Variants in TYW1 observed in about 807,000 individuals in gnomAD.
TYW1 encodes S-adenosyl-L-methionine-dependent tRNA 4-demethylwyosine synthase TYW1.
TYW1 carries 46 observed loss-of-function variants against 96.2 expected under a neutral mutation model. The observed-to-expected ratio is 0.48, with a 90% CI of 0.38 to 0.61. TYW1 has a LOEUF of 0.61. Ranked by LOEUF, TYW1 falls within the 20% of genes least tolerant of loss-of-function variation. The pLI is 0.00. For missense variants in TYW1, 684 were observed against 909.6 expected (o/e 0.75, Z 3.19); for synonymous variants, 274 against 323.0 (o/e 0.85, Z 1.63).
At chr7:67,037,990 C>T (rs1305691848) in intron 7 of TYW1, among the ~76,000 whole-genome samples, 2 of 152,070 alleles carry the variant, frequency 1.3e-5, no homozygotes, top group Admixed American at 6.6e-5. Context: ...CTTTTTGAGT[C>T]CTGATATGAC....
chr7:67,095,143 C>G (rs1256849741), intron 11 of TYW1, among the ~76,000 whole-genome samples: 3 of 151,970 alleles, frequency 2.0e-5, no homozygotes, highest in African/African-American at 7.2e-5. Flanking sequence ...GGCCTACAAG[C>G]ATGCACCACC....
chr7:67,097,206 G>T (rs1378339153), intron 11 of TYW1, among the ~76,000 whole-genome samples: 5 of 152,120 alleles, frequency 3.3e-5, no homozygotes, highest in African/African-American at 9.6e-5. Context: ...CTGAGCTGTG[G>T]CCTGGATTGT....
intron 11 of TYW1, among the ~76,000 whole-genome samples, chr7:67,090,808 T>C (rs900979325): frequency 6.6e-6 from 1 of 152,132 alleles, no homozygotes; most frequent in Non-Finnish European, 1.5e-5. Flanking sequence ...AGGAATCCTT[T>C]CCATTAGAAA....
At chr7:67,233,268 C>T (rs1291263570) in intron 15 of TYW1, among the ~76,000 whole-genome samples, 2 of 135,356 alleles carry the variant, frequency 1.5e-5, no homozygotes, top group East Asian at 2.0e-4. Flanking sequence ...ATAGTAAATG[C>T]ATGTGTTTAA....
chr7:67,038,167 G>GT (rs1794899226), intron 7 of TYW1, among the ~76,000 whole-genome samples: 1 of 152,128 alleles, frequency 6.6e-6, no homozygotes, highest in Non-Finnish European at 1.5e-5. Flanking sequence ...GCCTGGCGTG[G>GT]TGGCAGATGC....
Position 67,047,783 on chromosome 7 carries a change from ATTTTTTTT to A in TYW1, c.985-2147_985-2140del, listed in dbSNP as rs36007120. On this transcript the variant is annotated intron_variant, in intron 7 of 15. Coordinates refer to ENST00000359626, the MANE Select transcript of TYW1 (RefSeq NM_018264.4). ...TTTCACTTACTTTCTGTGAGTGTCAATTTTTTTTTTTTTTTTTTTTTTTTTTGAGGCAG... is the reference window on the plus strand; with the variant it reads ...TTTCACTTACTTTCTGTGAGTGTCAATTTTTTTTTTTTTTTTTTGAGGCAG... Among the ~76,000 whole-genome samples, 10 of 79,890 alleles carry A rather than the reference ATTTTTTTT, an allele frequency of 1.3e-4. No individual in the cohort carries two copies. In the South Asian group the frequency reaches 2.4e-3, roughly 20 times the overall value. 52.4% of individuals were successfully genotyped at this position (79,890 alleles called of 152,430 possible).
At chr7:67,108,902 A>G (rs998806650) in intron 12 of TYW1, among the ~76,000 whole-genome samples, 2 of 152,232 alleles carry the variant, frequency 1.3e-5, no homozygotes, top group Admixed American at 6.5e-5. Context: ...CCAAGAGATA[A>G]TTAGAATATT....
At chr7:67,057,172 G>A (rs1342389578) in intron 9 of TYW1, among the ~76,000 whole-genome samples, 2 of 151,708 alleles carry the variant, frequency 1.3e-5, no homozygotes, top group African/African-American at 4.8e-5. Context: ...GCACCACCAC[G>A]CCCAGCTAAT....
intron 3 of TYW1, among the ~76,000 whole-genome samples, chr7:67,008,004 C>G (rs1459495806): frequency 6.6e-6 from 1 of 152,160 alleles, no homozygotes; most frequent in Non-Finnish European, 1.5e-5. Flanking sequence ...CAAGACTGCC[C>G]CCACTTCAGA....
chr7:67,200,783 C>T (rs1246576527), intron 15 of TYW1, among the ~76,000 whole-genome samples: 1 of 152,136 alleles, frequency 6.6e-6, no homozygotes, highest in East Asian at 1.9e-4. Context: ...TTGGTCCCAT[C>T]AGGAGAGGCT....
chr7:67,007,833 C>A (rs1562962365), intron 3 of TYW1, among the ~76,000 whole-genome samples: 1 of 152,066 alleles, frequency 6.6e-6, no homozygotes, highest in South Asian at 2.1e-4. Flanking sequence ...TGGGGTTTCA[C>A]CATGTTGGTC....
intron 13 of TYW1, among the ~76,000 whole-genome samples, chr7:67,179,532 G>T (rs1459841865): frequency 7.4e-6 from 1 of 135,004 alleles, no homozygotes; most frequent in East Asian, 2.0e-4. Context: ...GTAAAGTGAA[G>T]ATAATAATCC....
In TYW1 at chr7:67,149,356, A is replaced by G. The variant is rs555737638; in HGVS notation, c.1698+31738A>G. On this transcript the variant is annotated intron_variant, in intron 13 of 15. Transcript: ENST00000359626. ...CTGGGAAATGAAGATAATAGAAACT[A>G]TATGGGTTCTATTTGATTTATGGCA... Among the ~76,000 whole-genome samples, 160 of 152,306 alleles carry G rather than the reference A, an allele frequency of 1.1e-3. 1 individual carries two copies. In the Middle Eastern group the frequency reaches 0.027, roughly 26 times the overall value.
At position 67,017,894 on chromosome 7, in the gene TYW1, G is replaced by A. The variant is rs771969449; in HGVS notation, c.612G>A (p.Ala204=). 8.1e-6 allele frequency: 13 copies of A among 1,613,908 alleles called. No homozygotes were observed. Among genetic ancestry groups the A allele is most frequent in the South Asian group, 4.4e-5 (4 of 91,084 alleles). Residue 204 remains alanine (A), a synonymous_variant, in exon 6 of 16, where the codon GCG becomes GCA. Transcript: ENST00000359626. ...ACAAGTGGCTCTGGATGCTTGGCGC[G>A]CATCGTGTGATGAGTCGAGGGGAGG... ...NVDKWLWMLG[A]HRVMSRGEGD...
chr7:67,015,870 G>A (rs1489330542), intron 5 of TYW1, among the ~76,000 whole-genome samples: 1 of 151,866 alleles, frequency 6.6e-6, no homozygotes, highest in Admixed American at 6.6e-5. Flanking sequence ...GGCTGAGGCA[G>A]GAGAATGGCG....
rs1307961845 is a variant in TYW1, at chr7:67,029,406, T to TAC, written c.984+4384_984+4385insAC. 4.1e-5 allele frequency among the ~76,000 whole-genome samples: 4 copies of TAC among 97,924 alleles called. No individual in the cohort carries two copies. In the East Asian group the frequency reaches 8.6e-4, roughly 21 times the overall value. 64.2% of individuals were successfully genotyped at this position (97,924 alleles called of 152,430 possible). A position where few individuals can be genotyped will look rare whatever the true frequency, so the allele number is the denominator to read the frequency against. Reference sequence around the variant, plus strand: ...GCGTGTGTGTGTGTGTGTGTGTGTGTGTGTGTGTGTATATATATATATATA... The same window carrying TAC: ...GCGTGTGTGTGTGTGTGTGTGTGTGTACGTGTGTGTGTATATATATATATATA... On this transcript the variant is annotated intron_variant, in intron 7 of 15. Coordinates refer to ENST00000359626, the MANE Select transcript of TYW1 (RefSeq NM_018264.4).
intron 13 of TYW1, among the ~76,000 whole-genome samples, chr7:67,146,151 T>A (rs1274778145): frequency 1.3e-5 from 2 of 152,218 alleles, no homozygotes; most frequent in East Asian, 1.9e-4. Flanking sequence ...ACTATGTGCA[T>A]AACTTTATCT....
chr7:66,997,056 G>C (rs548365430), intron 1 of TYW1, 74 bp downstream of exon 1: 3 of 1,603,416 alleles, frequency 1.9e-6, no homozygotes. Flanking sequence ...CTCTCCGGGC[G>C]GAGTGGCGTC....
chr7:67,060,496 A>G (rs1479623322), intron 9 of TYW1, among the ~76,000 whole-genome samples: 1 of 152,258 alleles, frequency 6.6e-6, no homozygotes. Flanking sequence ...TTAAATCACC[A>G]TAGGGAATTA....
Sources: allele counts gnomAD v4.1 joint callset (sites outside exome capture counted in the v4.1 genomes callset), GRCh38; gene constraint gnomAD v4.1.1; transcripts MANE v1.5; gene names NCBI Gene and HGNC (gene_info 2026-07-23, HGNC 2026-07-21).